Variants in WWOX observed in about 807,000 individuals in gnomAD.
The protein encoded by WWOX is WW domain-containing oxidoreductase.
Under a neutral mutation model 46.2 loss-of-function variants are expected in WWOX, and 69 were observed. The observed-to-expected ratio is 1.49, with a 90% CI of 1.23 to 1.82. The LOEUF is 1.82. WWOX is among the 40% of genes most tolerant of loss of function. WWOX has a pLI of 0.00. For missense variants in WWOX, 919 were observed against 542.6 expected (o/e 1.69, Z -6.89); for synonymous variants, 359 against 202.6 (o/e 1.77, Z -6.56).
intron 6 of WWOX, among the ~76,000 whole-genome samples, chr16:78,390,579 T>C (rs966637312): frequency 2.0e-5 from 3 of 152,202 alleles, no homozygotes; most frequent in African/African-American, 7.2e-5. Context: ...GGTGAAAATA[T>C]GCATAAAAAA....
chr16:79,027,466 T>G (rs1336344972), intron 8 of WWOX, among the ~76,000 whole-genome samples: 1 of 151,738 alleles, frequency 6.6e-6, no homozygotes, highest in Non-Finnish European at 1.5e-5. Flanking sequence ...TTATTGATAC[T>G]AAGAAGAGCC....
chr16:78,561,095 A>C (rs533083034), intron 8 of WWOX, among the ~76,000 whole-genome samples: 56 of 152,204 alleles, frequency 3.7e-4, no homozygotes, highest in Non-Finnish European at 6.9e-4. Context: ...GGCAGGATTC[A>C]GATCCTTGAA....
chr16:78,674,534 C>T (rs922128311), intron 8 of WWOX, among the ~76,000 whole-genome samples: 2 of 152,172 alleles, frequency 1.3e-5, no homozygotes, highest in East Asian at 1.9e-4. Context: ...ATCCACCCTC[C>T]TCAGCCTCCC....
At chr16:78,726,664 A>C (rs2048844076) in intron 8 of WWOX, among the ~76,000 whole-genome samples, 1 of 152,012 alleles carries the variant, frequency 6.6e-6, no homozygotes, top group African/African-American at 2.4e-5. Flanking sequence ...TAAACAATTT[A>C]TTAGGGCTTT....
chr16:79,082,345 C>T (rs1597357739), intron 8 of WWOX, among the ~76,000 whole-genome samples: 1 of 152,136 alleles, frequency 6.6e-6, no homozygotes, highest in South Asian at 2.1e-4. Flanking sequence ...CCAGAGCATC[C>T]ATCTCCTTTG....
At chr16:78,807,233 G>A (rs565792867) in intron 8 of WWOX, among the ~76,000 whole-genome samples, 10 of 152,172 alleles carry the variant, frequency 6.6e-5, no homozygotes, top group South Asian at 2.1e-4. Flanking sequence ...CCACTGAGTC[G>A]CAACATGCCA....
At chr16:78,683,200 A>G (rs944722263) in intron 8 of WWOX, among the ~76,000 whole-genome samples, 1 of 152,062 alleles carries the variant, frequency 6.6e-6, no homozygotes, top group Non-Finnish European at 1.5e-5. Context: ...TTTTAAATTC[A>G]TTTTTATTTT....
chr16:78,862,342 T>C (rs987873956), intron 8 of WWOX, among the ~76,000 whole-genome samples: 1 of 151,200 alleles, frequency 6.6e-6, no homozygotes, highest in Non-Finnish European at 1.5e-5. Context: ...ACATTATATG[T>C]ACTAAATAAT....
chr16:78,929,484 A>G (rs2045572363), intron 8 of WWOX, among the ~76,000 whole-genome samples: 1 of 152,116 alleles, frequency 6.6e-6, no homozygotes. Flanking sequence ...TCCAATGCTA[A>G]GGAGAGGAAA....
intron 8 of WWOX, among the ~76,000 whole-genome samples, chr16:78,840,668 C>T (rs1008039904): frequency 3.3e-5 from 5 of 151,916 alleles, no homozygotes; most frequent in Admixed American, 6.6e-5. Flanking sequence ...GATTCTGATT[C>T]AGTAGGTCTA....
chr16:78,787,779 C>T (rs1272777267), intron 8 of WWOX, among the ~76,000 whole-genome samples: 2 of 152,150 alleles, frequency 1.3e-5, no homozygotes, highest in African/African-American at 2.4e-5. Flanking sequence ...TTTATATTTC[C>T]ACTTGCAGTA....
intron 8 of WWOX, among the ~76,000 whole-genome samples, chr16:79,181,561 T>C (rs888431699): frequency 6.6e-6 from 1 of 152,168 alleles, no homozygotes; most frequent in African/African-American, 2.4e-5. Context: ...GGTAGGGGTT[T>C]TTTTTTTAAT....
At chr16:79,200,950 C>G (rs1000964217) in intron 8 of WWOX, among the ~76,000 whole-genome samples, 1 of 152,170 alleles carries the variant, frequency 6.6e-6, no homozygotes, top group Admixed American at 6.5e-5. Context: ...GTTATAGCTG[C>G]TTTAAACTTG....
intron 8 of WWOX, among the ~76,000 whole-genome samples, chr16:78,486,874 T>C (rs916095424): frequency 1.3e-5 from 2 of 152,162 alleles, no homozygotes; most frequent in African/African-American, 2.4e-5. Context: ...CCCCGACCAT[T>C]GTCTGTCAGG....
chr16:78,359,803 C>G (rs1210595549), intron 5 of WWOX, among the ~76,000 whole-genome samples: 1 of 152,158 alleles, frequency 6.6e-6, no homozygotes, highest in East Asian at 1.9e-4. Context: ...TGATGCCATT[C>G]CCATCTGGGA....
In WWOX at chr16:78,199,312, C is replaced by G. The variant is rs541136401; in HGVS notation, c.516+35023C>G. Among the ~76,000 whole-genome samples the G allele has an allele frequency of 9.1e-4, 38 of 41,668 alleles. No homozygotes were observed. In the South Asian group the frequency reaches 0.034, roughly 37 times the overall value. The allele number at this position is 41,668 out of a possible 152,430, so 27.3% of individuals were successfully genotyped here. On this transcript the variant is annotated intron_variant, in intron 5 of 8. Transcript: ENST00000566780. ...TGGGTGACAGAGCGAGACTCCATCTCAAACAAACAAACAAACAAACAAACA... is the reference window on the plus strand; with the variant it reads ...TGGGTGACAGAGCGAGACTCCATCTGAAACAAACAAACAAACAAACAAACA...
At position 78,813,145 on chromosome 16, in the gene WWOX, G is replaced by GA. The variant is rs567984689; in HGVS notation, c.1056+380402dup. Among the ~76,000 whole-genome samples, 142 of 148,786 alleles carry GA rather than the reference G, an allele frequency of 9.5e-4. 1 individual carries two copies. In the South Asian group the frequency reaches 0.023, roughly 24 times the overall value. ...CTATAAGTGGTTGATTGTTTTTTAGGAAAAAAAAATTCAGCATCTCAAATG... is the reference window on the plus strand; with the variant it reads ...CTATAAGTGGTTGATTGTTTTTTAGGAAAAAAAAAATTCAGCATCTCAAATG... On this transcript the variant is annotated intron_variant, in intron 8 of 8. Coordinates refer to ENST00000566780, the MANE Select transcript of WWOX (RefSeq NM_016373.4).
At chr16:78,919,224 C>A (rs866639325) in intron 8 of WWOX, among the ~76,000 whole-genome samples, 1 of 151,906 alleles carries the variant, frequency 6.6e-6, no homozygotes, top group Admixed American at 6.6e-5. Context: ...TATTTAATTC[C>A]CTTAACAGTT....
intron 5 of WWOX, among the ~76,000 whole-genome samples, chr16:78,282,148 T>A (rs2079690032): frequency 6.6e-6 from 1 of 152,316 alleles, no homozygotes; most frequent in African/African-American, 2.4e-5. Flanking sequence ...AGGCTGGAGA[T>A]AATTCTCTGC....
Sources: allele counts gnomAD v4.1 joint callset (sites outside exome capture counted in the v4.1 genomes callset), GRCh38; gene constraint gnomAD v4.1.1; transcripts MANE v1.5; gene names NCBI Gene and HGNC (gene_info 2026-07-23, HGNC 2026-07-21).